FANCG: variants seen among roughly 807,000 people sequenced by gnomAD.
FANCG encodes the protein FA complementation group G, also known as Fanconi anemia group G protein.
Under a neutral mutation model 73.3 loss-of-function variants are expected in FANCG, and 67 were observed. The ratio of observed to expected loss-of-function variants is 0.91; its 90% CI spans 0.75 to 1.12. The LOEUF (loss-of-function observed/expected upper bound fraction) is 1.12. Ranked by LOEUF, FANCG falls within the 50% of genes most tolerant of loss-of-function variation. The pLI is 0.00. For synonymous variants in FANCG, 297 were observed against 311.6 expected, an observed-to-expected ratio of 0.95 and a Z score of 0.49; for missense variants, 643 against 735.6, an observed-to-expected ratio of 0.87 and a Z score of 1.46.
chr9:35,077,000 T>C lies in FANCG; in HGVS notation c.748A>G (p.Thr250Ala), dbSNP rs1448184077. 3 of 1,614,232 alleles carry C rather than the reference T, an allele frequency of 1.9e-6. No individual in the cohort carries two copies. Among genetic ancestry groups the C allele is most frequent in the Non-Finnish European group, 2.5e-6 (3 of 1,180,032 alleles). Residue 250 changes from threonine to alanine, a missense_variant, in exon 6 of 14, where the codon ACA becomes GCA. Thr to Ala is a moderately conservative substitution (Grantham distance 58). Transcript: ENST00000378643. Reference protein sequence around the residue: ...CPRPVLVQVYTALGSCHRKMG... With the variant: ...CPRPVLVQVYAALGSCHRKMG... Reference sequence around the variant, plus strand: ...TTACGGTGACAGGACCCCAGTGCTGTGTACACCTGGACCAACACAGGCCGT... The same window carrying C: ...TTACGGTGACAGGACCCCAGTGCTGCGTACACCTGGACCAACACAGGCCGT...
intron 4 of FANCG, chr9:35,077,882 C>T: frequency 1.9e-6 from 1 of 529,190 alleles, no homozygotes; most frequent in South Asian, 2.0e-5. Context: ...AAGTGATCCT[C>T]CTACCTCAGC....
chr9:35,076,569 T>G lies in FANCG; in HGVS notation c.939A>C (p.Pro313=), dbSNP rs2131055544. Residue 313 remains proline (P), a synonymous_variant, in exon 8 of 14, where the codon CCA becomes CCC. Coordinates refer to ENST00000378643, the MANE Select transcript of FANCG (RefSeq NM_004629.2). ...GAAACTGCGGGGCTTTGGAACTGCA[T>G]GGGACATTCAAGGCCTAAAAGAGAA... ...LELLVEALNV[P]CSSKAPQFLI... is the part of the protein sequence containing the mutation. 6.2e-7 allele frequency: 1 copy of G among 1,614,148 alleles called. No homozygotes were observed. Among genetic ancestry groups the G allele is most frequent in the South Asian group, 1.1e-5 (1 of 91,082 alleles).
intron 2 of FANCG, 43 bp downstream of exon 2, chr9:35,079,094 GATGTTTCTCTGGCT>G (rs1395759456): frequency 6.3e-6 from 9 of 1,434,426 alleles, no homozygotes; most frequent in Non-Finnish European, 6.7e-6. Flanking sequence ...CGCAGGAGCG[GATGTTTCTCTGGCT>G]ATGGAAGAGG....
intron 8 of FANCG, 124 bp from the exon 9 acceptor site, chr9:35,076,152 G>A: frequency 1.9e-6 from 2 of 1,067,504 alleles, no homozygotes; most frequent in Non-Finnish European, 2.9e-6. Context: ...GAAAGGGAGG[G>A]AAGGTCTTAG....
At position 35,075,533 on chromosome 9, in the gene FANCG, G is replaced by T. The variant is rs767385265; in HGVS notation, c.1365C>A (p.Thr455=). 2 of 1,614,012 alleles carry T rather than the reference G, an allele frequency of 1.2e-6. 1 individual carries two copies. Among genetic ancestry groups the T allele is most frequent in the Admixed American group, 3.3e-5 (2 of 59,998 alleles). Residue 455 remains threonine (T), a synonymous_variant, in exon 10 of 14, where the codon ACC becomes ACA. Transcript: ENST00000378643. ...CCCAGGCCTGGCCCTGAAGCAGGTG[G>T]GTGGCAGAGACCCAGAGTGGGCAGT... The part of the protein sequence containing the change: ...LPYCPLWVSA[T]HLLQGQAWVQ...
At chr9:35,074,602 C>A in intron 12 of FANCG, 108 bp from the exon 13 acceptor site, 2 of 1,441,556 alleles carry the variant, frequency 1.4e-6, no homozygotes, top group Non-Finnish European at 1.9e-6. Context: ...CTTGCCTACA[C>A]TCACATATGG....
rs150203467 is a variant in FANCG, at chr9:35,074,136, G to T, written c.1841C>A (p.Thr614Lys). ...DRDAFLEEFR[T>K]SLPKSCDL ...CAGGTCACAAGACTTTGGCAGAGAT[G>T]TCCGAAATTCTTCAAGGAAGGCGTC... The change falls in exon 14 of 14, where the codon ACA becomes AAA. Residue 614 changes from threonine (T) to lysine (K), a missense_variant. By Grantham distance (78) the Thr-to-Lys change is moderately conservative (BLOSUM62 -1). Coordinates refer to ENST00000378643, the MANE Select transcript of FANCG (RefSeq NM_004629.2). 6.2e-7 allele frequency: 1 copy of T among 1,614,196 alleles called. No homozygotes were observed. Among genetic ancestry groups the T allele is most frequent in the East Asian group, 2.2e-5 (1 of 44,884 alleles).
chr9:35,077,927 C>A, intron 4 of FANCG: 2 of 596,378 alleles, frequency 3.4e-6, no homozygotes, highest in Non-Finnish European at 6.0e-6. Flanking sequence ...TATGAGCCAC[C>A]ATGCCTGTCC....
In FANCG at chr9:35,075,018, G is replaced by A. The variant is rs201422773; in HGVS notation, c.1545C>T (p.Ala515=). ...ATTCCAGTCCACGACTAATTAGGGC[G>A]GCTGCCCGAAGCTGCTGCAGTGCCG... ...SDAALQQLRA[A]ALISRGLEWV... Residue 515 remains alanine, a synonymous_variant, in exon 12 of 14, where the codon GCC becomes GCT. Coordinates refer to ENST00000378643, the MANE Select transcript of FANCG (RefSeq NM_004629.2). 276 of 1,614,192 alleles carry A rather than the reference G, an allele frequency of 1.7e-4. No individual in the cohort carries two copies. Among genetic ancestry groups the A allele is most frequent in the East Asian group, 1.4e-3 (64 of 44,884 alleles).
rs186641344 is a variant in FANCG, at chr9:35,079,470, T to C, written c.55A>G (p.Lys19Glu). 2.1e-5 allele frequency: 34 copies of C among 1,614,130 alleles called. No individual in the cohort carries two copies. The East Asian group carries it at 7.4e-4, about 35-fold the overall frequency. The change falls in exon 1 of 14, where the codon AAG becomes GAG. Residue 19 changes from lysine (K) to glutamate (E), a missense_variant. Physicochemically the swap from Lys to Glu is moderately conservative, Grantham distance 56. Transcript: ENST00000378643. The part of the protein sequence containing the change: ...GSSCLDLWRE[K>E]NDRLVRQAKV... ...GCCTGTCGAACGAGCCGGTCATTCT[T>C]TTCCCTCCACAGGTCCAGGCAGCTG... is the stretch of plus-strand genomic sequence containing the variant.
intron 4 of FANCG, 104 bp downstream of exon 4, chr9:35,078,037 C>CA: frequency 8.4e-7 from 1 of 1,192,028 alleles, no homozygotes; most frequent in Non-Finnish European, 1.3e-6. Context: ...TTCCGACCAC[C>CA]AACCCAGCCG....
rs1829146891 is a variant in FANCG, at chr9:35,079,611, G to A, written c.-87C>T. 9 of 1,377,522 alleles carry A rather than the reference G, an allele frequency of 6.5e-6. No individual in the cohort carries two copies. The highest frequency in any genetic ancestry group is 9.3e-6 in the Non-Finnish European group (9 of 970,022). The allele number at this position is 1,377,522 out of a possible 1,614,324, so 85.3% of individuals were successfully genotyped here. A position where few individuals can be genotyped will look rare whatever the true frequency, so the allele number is the denominator to read the frequency against. ...CAAGCTCCCAACCCCAGCGGGGAGG[G>A]GCCTGGGCACTTCTGCACCCCGCCG... On this transcript the variant is annotated 5_prime_UTR_variant, in exon 1 of 14. Coordinates refer to ENST00000378643, the MANE Select transcript of FANCG (RefSeq NM_004629.2).
chr9:35,075,829 C>T, intron 9 of FANCG, 75 bp from the exon 10 acceptor site: 4 of 1,524,078 alleles, frequency 2.6e-6, no homozygotes, highest in Non-Finnish European at 3.6e-6. Context: ...GGCTCTGGTA[C>T]CATGCAGAGT....
At position 35,075,536 on chromosome 9, in the gene FANCG, G is replaced by A; in HGVS notation, c.1362C>T (p.Ala454=). 1 of 1,614,128 alleles carries A rather than the reference G, an allele frequency of 6.2e-7. No homozygotes were observed. The change falls in exon 10 of 14, where the codon GCC becomes GCT. Residue 454 remains alanine (A), a synonymous_variant. Coordinates refer to ENST00000378643, the MANE Select transcript of FANCG (RefSeq NM_004629.2). ...AGGCCTGGCCCTGAAGCAGGTGGGTGGCAGAGACCCAGAGTGGGCAGTATG... is the reference window on the plus strand; with the variant it reads ...AGGCCTGGCCCTGAAGCAGGTGGGTAGCAGAGACCCAGAGTGGGCAGTATG... ...ELPYCPLWVS[A]THLLQGQAWV... is the part of the protein sequence containing the mutation.
intron 12 of FANCG, chr9:35,074,725 G>A (rs1040683927): frequency 1.2e-6 from 1 of 858,134 alleles, no homozygotes; most frequent in Non-Finnish European, 1.9e-6. Flanking sequence ...AGGATATCGG[G>A]GAAACCAGGG....
rs1189580729 is a variant in FANCG, at chr9:35,074,949, G to A, written c.1614C>T (p.Leu538=). ...GQDTKALQDF[L]LSVQMCPGNR... ...TACCTGGGCACATCTGCACACTGAG[G>A]AGGAAGTCCTGTAAGGCTTTGGTAT... Residue 538 remains leucine, a synonymous_variant, in exon 12 of 14, where the codon CTC becomes CTT. Transcript: ENST00000378643. 1.2e-6 allele frequency: 2 copies of A among 1,614,168 alleles called. No homozygotes were observed. The highest frequency in any genetic ancestry group is 1.7e-6 in the Non-Finnish European group (2 of 1,180,028).
Position 35,079,558 on chromosome 9 carries a change from G to A in FANCG, c.-34C>T. ...AGGCTGGGCCCGGAGACCAGAAGCG[G>A]ACTTAGGAAGGGTGAAGCTGGCCTG... On this transcript the variant is annotated 5_prime_UTR_variant, in exon 1 of 14. Coordinates refer to ENST00000378643, the MANE Select transcript of FANCG (RefSeq NM_004629.2). The A allele has an allele frequency of 1.2e-6, 2 of 1,609,320 alleles. No individual in the cohort carries two copies. The highest frequency in any genetic ancestry group is 1.1e-5 in the South Asian group (1 of 90,922).
At position 35,074,007 on chromosome 9, in the gene FANCG, T is replaced by C. The variant is rs751616369; in HGVS notation, c.*101A>G. On this transcript the variant is annotated 3_prime_UTR_variant, in exon 14 of 14. Transcript: ENST00000378643. ...ACCAATCTCACCAGTCCAGGAATTA[T>C]ATAGGAATGGTCACATTCCTAATGA... 2.5e-5 allele frequency: 23 copies of C among 907,620 alleles called. No homozygotes were observed. The highest frequency in any genetic ancestry group is 3.9e-5 in the Non-Finnish European group (21 of 543,872). The allele number at this position is 907,620 out of a possible 1,614,324, so 56.2% of individuals were successfully genotyped here.
Position 35,075,078 on chromosome 9 carries a change from T to G in FANCG, c.1485A>C (p.Ala495=). The change falls in exon 12 of 14, where the codon GCA becomes GCC. Residue 495 remains alanine, a synonymous_variant. Transcript: ENST00000378643. Reference sequence around the variant, plus strand: ...TACATCCCTGCTCACAGTTGAAAGCTGCCCCTGGGGACCACTCCCAAAGTC... The same window carrying G: ...TACATCCCTGCTCACAGTTGAAAGCGGCCCCTGGGGACCACTCCCAAAGTC... ...RATPEEKEQG[A]AFNCEQGCKS... 6.2e-7 allele frequency: 1 copy of G among 1,613,988 alleles called. No homozygotes were observed. Among genetic ancestry groups the G allele is most frequent in the South Asian group, 1.1e-5 (1 of 91,076 alleles).
Sources: gnomAD v4.1 joint callset for allele counts on GRCh38, gnomAD v4.1.1 for gene constraint, MANE v1.5 for transcripts, NCBI Gene and HGNC (gene_info 2026-07-23, HGNC 2026-07-21) for gene names.